EPHA6: variants seen among roughly 807,000 people sequenced by gnomAD.
The protein encoded by EPHA6 is EPH receptor A6, also known as ephrin type-A receptor 6.
A neutral mutation model predicts 112.0 loss-of-function variants in EPHA6; 50 were observed. That is an observed-to-expected ratio of 0.45 (90% CI 0.36 to 0.56). The LOEUF is 0.56. EPHA6 is among the 20% of genes least tolerant of loss of function. EPHA6 has a pLI of 0.00. For synonymous variants in EPHA6, 529 were observed against 490.7 expected, an observed-to-expected ratio of 1.08 and a Z score of -1.03; for missense variants, 1,280 against 1,417.4, an observed-to-expected ratio of 0.90 and a Z score of 1.56.
intron 5 of EPHA6, among the ~76,000 whole-genome samples, chr3:97,339,624 C>G (rs1209689373): frequency 6.6e-6 from 1 of 152,122 alleles, no homozygotes; most frequent in South Asian, 2.1e-4. Flanking sequence ...GATGCCAATA[C>G]CTACCTTAGG....
intron 14 of EPHA6, among the ~76,000 whole-genome samples, chr3:97,675,989 T>C (rs369728048): frequency 6.0e-4 from 91 of 152,146 alleles, no homozygotes; most frequent in African/African-American, 2.0e-3. Context: ...TCCTGGGCAA[T>C]CTGAAATGGA....
rs1459898145 is a variant in EPHA6 at position 97,280,943 on chromosome 3, G to C, written c.1606+36656G>C. Among the ~76,000 whole-genome samples the C allele has an allele frequency of 7.9e-5, 12 of 152,114 alleles. No individual in the cohort carries two copies. In the East Asian group the frequency reaches 2.1e-3, roughly 27 times the overall value. On this transcript the variant is annotated intron_variant, in intron 5 of 17. Coordinates refer to ENST00000389672, the MANE Select transcript of EPHA6 (RefSeq NM_001080448.3). The stretch of plus-strand genomic sequence containing the variant: ...TAGCAGGTGATGTGGTCTATATTTG[G>C]CAATTACTCCCTCTGAATAATAGTG...
intron 11 of EPHA6, among the ~76,000 whole-genome samples, chr3:97,538,563 G>A (rs183063461): frequency 2.0e-4 from 30 of 152,314 alleles, no homozygotes; most frequent in African/African-American, 5.8e-4. Context: ...TGAAGTCATA[G>A]GGAGGATGAG....
chr3:97,586,128 A>G (rs2093485272), intron 11 of EPHA6, among the ~76,000 whole-genome samples: 1 of 152,156 alleles, frequency 6.6e-6, no homozygotes, highest in Non-Finnish European at 1.5e-5. Flanking sequence ...TCATTTTTGT[A>G]TCCACTCACT....
intron 3 of EPHA6, among the ~76,000 whole-genome samples, chr3:97,168,128 T>G (rs951543594): frequency 6.6e-6 from 1 of 152,174 alleles, no homozygotes; most frequent in Admixed American, 6.6e-5. Context: ...TAATTCTGTT[T>G]ATAGTTTTGC....
chr3:97,118,770 A>G (rs2047963612), intron 3 of EPHA6, among the ~76,000 whole-genome samples: 1 of 151,994 alleles, frequency 6.6e-6, no homozygotes, highest in South Asian at 2.1e-4. Flanking sequence ...AAATGGTACT[A>G]GCAACAAATA....
chr3:97,658,577 A>C (rs759838402), intron 14 of EPHA6, among the ~76,000 whole-genome samples: 9 of 151,886 alleles, frequency 5.9e-5, no homozygotes, highest in Non-Finnish European at 1.0e-4. Context: ...ATGGGGTTTT[A>C]AGGCACTTGG....
chr3:96,967,181 T>TACACAC (rs144463079), intron 2 of EPHA6, among the ~76,000 whole-genome samples: 99 of 146,150 alleles, frequency 6.8e-4, no homozygotes, highest in Middle Eastern at 3.5e-3. Flanking sequence ...ATGCTATGAA[T>TACACAC]ACACACACAC....
At chr3:97,369,192 A>G (rs2108971621) in intron 5 of EPHA6, among the ~76,000 whole-genome samples, 1 of 152,324 alleles carries the variant, frequency 6.6e-6, no homozygotes, top group East Asian at 1.9e-4. Context: ...AGGCCAGAAC[A>G]TGCAAGTAAT....
At chr3:97,151,914 AT>A (rs2076181060) in intron 3 of EPHA6, among the ~76,000 whole-genome samples, 1 of 151,934 alleles carries the variant, frequency 6.6e-6, no homozygotes, top group Non-Finnish European at 1.5e-5. Context: ...TTATATAATC[AT>A]ATTTAGCGTT....
intron 3 of EPHA6, among the ~76,000 whole-genome samples, chr3:97,173,087 A>G (rs1181243436): frequency 6.6e-6 from 1 of 151,912 alleles, no homozygotes; most frequent in Admixed American, 6.6e-5. Flanking sequence ...GTGTAAATAT[A>G]TTAAACTTTT....
At chr3:97,064,943 C>T (rs917239719) in intron 3 of EPHA6, among the ~76,000 whole-genome samples, 1 of 152,070 alleles carries the variant, frequency 6.6e-6, no homozygotes, top group African/African-American at 2.4e-5. Flanking sequence ...TGATTAAATT[C>T]TCAATTTTTT....
intron 6 of EPHA6, among the ~76,000 whole-genome samples, chr3:97,441,862 C>T (rs1416154573): frequency 1.3e-5 from 2 of 151,936 alleles, no homozygotes; most frequent in East Asian, 1.9e-4. Flanking sequence ...TCTAAGTAAA[C>T]ATTTCTAACT....
intron 2 of EPHA6, among the ~76,000 whole-genome samples, chr3:96,905,299 G>T (rs376983559): frequency 6.6e-6 from 1 of 151,836 alleles, no homozygotes; most frequent in African/African-American, 2.4e-5. Context: ...TGAAATTATA[G>T]AAATATTTTG....
intron 12 of EPHA6, among the ~76,000 whole-genome samples, chr3:97,606,496 C>T (rs1478441019): frequency 1.3e-5 from 2 of 151,044 alleles, no homozygotes; most frequent in Non-Finnish European, 3.0e-5. Context: ...GGGTTTCAAA[C>T]CTGGATAACT....
intron 3 of EPHA6, among the ~76,000 whole-genome samples, chr3:97,215,735 T>G (rs745376209): frequency 6.6e-6 from 1 of 152,222 alleles, no homozygotes; most frequent in Non-Finnish European, 1.5e-5. Flanking sequence ...CATTGTTATT[T>G]TAAGCAATCA....
At chr3:97,611,000 A>G in intron 13 of EPHA6, 146 bp downstream of exon 13, 1 of 656,738 alleles carries the variant, frequency 1.5e-6, no homozygotes, top group East Asian at 2.7e-5. Flanking sequence ...CATTTCCCTG[A>G]TACTGTGATA....
chr3:96,991,238 T>G (rs2043204935), intron 3 of EPHA6, among the ~76,000 whole-genome samples: 1 of 152,220 alleles, frequency 6.6e-6, no homozygotes, highest in African/African-American at 2.4e-5. Flanking sequence ...AGGCATATGT[T>G]TCTGTTATTC....
intron 1 of EPHA6, among the ~76,000 whole-genome samples, chr3:96,856,802 G>A (rs1337771707): frequency 6.6e-6 from 1 of 152,044 alleles, no homozygotes; most frequent in African/African-American, 2.4e-5. Flanking sequence ...TCTGTAATTT[G>A]GTCTTTTGAA....
Sources: allele counts gnomAD v4.1 joint callset (sites outside exome capture counted in the v4.1 genomes callset), GRCh38; gene constraint gnomAD v4.1.1; transcripts MANE v1.5; gene names NCBI Gene and HGNC (gene_info 2026-07-23, HGNC 2026-07-21).